OPCML: variants seen among roughly 807,000 people sequenced by gnomAD.
OPCML encodes opioid binding protein/cell adhesion molecule like.
OPCML carries 13 observed loss-of-function variants against 37.8 expected under a neutral mutation model. The observed-to-expected ratio is 0.34, with a 90% confidence interval of 0.22 to 0.55. The LOEUF is 0.55. Among genes scored for constraint, OPCML ranks in the 20% least tolerant of loss-of-function variants. OPCML has a pLI of 0.91. For missense variants in OPCML, 341 were observed against 435.6 expected, an observed-to-expected ratio of 0.78 and a Z score of 1.93; for synonymous variants, 176 against 168.8, an observed-to-expected ratio of 1.04 and a Z score of -0.33.
chr11:133,330,910 T>C (rs1459904687), intron 1 of OPCML, among the ~76,000 whole-genome samples: 1 of 152,244 alleles, frequency 6.6e-6, no homozygotes, highest in African/African-American at 2.4e-5. Context: ...TCCTCCTTTG[T>C]TGTATGAGAC....
At chr11:133,082,972 C>T (rs1377213901) in intron 1 of OPCML, among the ~76,000 whole-genome samples, 1 of 151,060 alleles carries the variant, frequency 6.6e-6, no homozygotes, top group Non-Finnish European at 1.5e-5. Flanking sequence ...CGCACCTCGT[C>T]CGCGCGGCCG....
At chr11:133,314,232 CAAAAAAAAAAAAAAAAAA>C (rs59843718) in intron 1 of OPCML, among the ~76,000 whole-genome samples, 2 of 49,750 alleles carry the variant, frequency 4.0e-5, no homozygotes, top group Admixed American at 3.0e-4. Context: ...GACTCCGTCT[CAAAAAAAAAAAAAAAAAA>C]AAAAAAAAAA....
intron 2 of OPCML, among the ~76,000 whole-genome samples, chr11:132,713,561 C>G (rs11223179): frequency 0.31 from 47,673 of 152,094 alleles, 9,189 homozygotes; most frequent in Non-Finnish European, 0.45. Context: ...ATTTCCTATC[C>G]TAAACCTTAA....
intron 1 of OPCML, among the ~76,000 whole-genome samples, chr11:133,239,675 C>T (rs371078001): frequency 7.2e-5 from 11 of 152,318 alleles, no homozygotes; most frequent in South Asian, 6.2e-4. Context: ...GACATCCCCA[C>T]GGAGGAGAAA....
intron 2 of OPCML, among the ~76,000 whole-genome samples, chr11:132,848,138 G>T (rs1481547206): frequency 6.6e-6 from 1 of 152,194 alleles, no homozygotes; most frequent in Non-Finnish European, 1.5e-5. Context: ...GTAGGAAATG[G>T]AAAGAAAGTT....
intron 2 of OPCML, among the ~76,000 whole-genome samples, chr11:132,727,521 G>A (rs1944929161): frequency 6.6e-6 from 1 of 152,170 alleles, no homozygotes; most frequent in South Asian, 2.1e-4. Flanking sequence ...GGAAGCCCCA[G>A]CTGCTCTCCT....
intron 2 of OPCML, among the ~76,000 whole-genome samples, chr11:132,899,442 CCAAA>C (rs143624628): frequency 0.03 from 4,560 of 152,194 alleles, 222 homozygotes; most frequent in African/African-American, 0.1. Context: ...CAGTTATCAT[CCAAA>C]CACTTTACCT....
intron 2 of OPCML, among the ~76,000 whole-genome samples, chr11:132,707,587 A>G (rs80337712): frequency 0.017 from 2,520 of 152,346 alleles, 36 homozygotes; most frequent in South Asian, 0.068. Context: ...ATCCAGGCAC[A>G]TGGCTGAGAA....
chr11:132,865,452 A>G (rs11223254), intron 2 of OPCML, among the ~76,000 whole-genome samples: 10,527 of 152,302 alleles, frequency 0.069, 470 homozygotes, highest in East Asian at 0.14. Context: ...TCATACGCTC[A>G]GCCCAACAGA....
chr11:133,190,037 A>T (rs1417597820), intron 1 of OPCML, among the ~76,000 whole-genome samples: 1 of 152,204 alleles, frequency 6.6e-6, no homozygotes, highest in East Asian at 1.9e-4. Flanking sequence ...TACCACTTCC[A>T]TATAGTTCCC....
chr11:132,801,408 T>C lies in OPCML; in HGVS notation c.146+141518A>G, dbSNP rs560474804. 1.1e-4 allele frequency among the ~76,000 whole-genome samples: 16 copies of C among 152,302 alleles called. No homozygotes were observed. The South Asian group carries it at 2.9e-3, about 28-fold the overall frequency. ...TTTTTACCAGCACTGTGAAAGATCC[T>C]ACAGACTCATGCCTGGAGAGAATAC... On this transcript the variant is annotated intron_variant, in intron 2 of 7. Coordinates refer to ENST00000524381, the MANE Select transcript of OPCML (RefSeq NM_001012393.5).
At chr11:132,525,650 C>T (rs1053098147) in intron 4 of OPCML, among the ~76,000 whole-genome samples, 2 of 152,122 alleles carry the variant, frequency 1.3e-5, no homozygotes, top group African/African-American at 4.8e-5. Flanking sequence ...TTGGCAGTCA[C>T]CCTGCAGATG....
chr11:132,809,952 C>T (rs1331723636), intron 2 of OPCML, among the ~76,000 whole-genome samples: 2 of 152,184 alleles, frequency 1.3e-5, no homozygotes, highest in African/African-American at 2.4e-5. Flanking sequence ...CGGGTTCACG[C>T]CATTCTCCTG....
At chr11:133,125,187 C>T (rs1949481785) in intron 1 of OPCML, among the ~76,000 whole-genome samples, 1 of 151,996 alleles carries the variant, frequency 6.6e-6, no homozygotes, top group Non-Finnish European at 1.5e-5. Context: ...TTTAAACTAC[C>T]CCAGGAAGTT....
chr11:132,696,773 C>A (rs191046988), intron 2 of OPCML, among the ~76,000 whole-genome samples: 3 of 151,938 alleles, frequency 2.0e-5, no homozygotes, highest in African/African-American at 7.3e-5. Context: ...AAGATGTAGT[C>A]AACCCAAAAA....
intron 2 of OPCML, among the ~76,000 whole-genome samples, chr11:132,724,013 A>G (rs1309123505): frequency 2.0e-5 from 3 of 152,172 alleles, no homozygotes; most frequent in African/African-American, 7.2e-5. Context: ...AGAACTGCCC[A>G]GTTGTTCTGG....
intron 3 of OPCML, among the ~76,000 whole-genome samples, chr11:132,591,846 T>G (rs1325369076): frequency 6.6e-6 from 1 of 152,224 alleles, no homozygotes; most frequent in Non-Finnish European, 1.5e-5. Context: ...TATGTGTTCT[T>G]GTGTGTATAA....
intron 3 of OPCML, among the ~76,000 whole-genome samples, chr11:132,600,196 A>G (rs1197287877): frequency 1.3e-5 from 2 of 152,184 alleles, no homozygotes; most frequent in Non-Finnish European, 2.9e-5. Flanking sequence ...AAGAACCAGG[A>G]CAAAAAGCTT....
At chr11:133,150,069 G>A (rs1335744185) in intron 1 of OPCML, among the ~76,000 whole-genome samples, 3 of 152,208 alleles carry the variant, frequency 2.0e-5, no homozygotes, top group African/African-American at 7.2e-5. Flanking sequence ...TTCTCTCTGG[G>A]CCAGGCCCAG....
Sources: gnomAD v4.1 joint callset for allele counts (sites outside exome capture counted in the v4.1 genomes callset) on GRCh38, gnomAD v4.1.1 for gene constraint, MANE v1.5 for transcripts, NCBI Gene and HGNC (gene_info 2026-07-23, HGNC 2026-07-21) for gene names.